The following BACH2 variants were observed in gnomAD, a reference collection of about 807,000 sequenced individuals.
The protein encoded by BACH2 is transcription regulator protein BACH2.
In BACH2, 5 loss-of-function variants were observed where a neutral mutation model predicts 61.8. That is an observed-to-expected ratio of 0.08 (90% CI 0.04 to 0.17). BACH2 has a LOEUF of 0.17. Ranked by LOEUF, BACH2 falls within the 10% of genes least tolerant of loss-of-function variation. The probability of loss-of-function intolerance (pLI) is 1.00; values close to 1 mark genes in which losing one functional copy is unlikely to be tolerated. For synonymous variants in BACH2, 446 were observed against 440.1 expected, an observed-to-expected ratio of 1.01 and a Z score of -0.17; for missense variants, 824 against 1,091.1, an observed-to-expected ratio of 0.76 and a Z score of 3.45.
chr6:90,084,084 T>C (rs1309416255), intron 5 of BACH2, among the ~76,000 whole-genome samples: 1 of 134,774 alleles, frequency 7.4e-6, no homozygotes, highest in Non-Finnish European at 1.6e-5. Context: ...GTGTGTGCGG[T>C]AGGGTGGGGT....
intron 4 of BACH2, among the ~76,000 whole-genome samples, chr6:90,154,018 C>T (rs368472335): frequency 6.6e-6 from 1 of 152,120 alleles, no homozygotes; most frequent in Non-Finnish European, 1.5e-5. Flanking sequence ...AACATCCACA[C>T]CCTAAAAAGA....
At chr6:90,147,156 AG>A (rs1232714149) in intron 4 of BACH2, among the ~76,000 whole-genome samples, 6 of 152,256 alleles carry the variant, frequency 3.9e-5, no homozygotes, top group African/African-American at 1.4e-4. Context: ...CACTGCAAGA[AG>A]GGGCAGTAAT....
chr6:89,969,486 C>T (rs771915708), intron 6 of BACH2, among the ~76,000 whole-genome samples: 11 of 152,114 alleles, frequency 7.2e-5, no homozygotes, highest in Non-Finnish European at 1.3e-4. Context: ...AGACAAGGGA[C>T]GGATGTGGGC....
At chr6:90,196,511 A>G (rs111921139) in intron 4 of BACH2, among the ~76,000 whole-genome samples, 1 of 152,324 alleles carries the variant, frequency 6.6e-6, no homozygotes, top group African/African-American at 2.4e-5. Context: ...ACACGTGTCT[A>G]TTTTTAGCTA....
intron 6 of BACH2, among the ~76,000 whole-genome samples, chr6:89,957,352 CCTTA>C (rs771072463): frequency 8.5e-5 from 13 of 152,208 alleles, no homozygotes; most frequent in African/African-American, 1.9e-4. Flanking sequence ...AATTAATTCA[CCTTA>C]CTATTTCAAC....
intron 3 of BACH2, among the ~76,000 whole-genome samples, chr6:90,211,233 G>A (rs574528773): frequency 5.4e-5 from 8 of 149,150 alleles, no homozygotes; most frequent in East Asian, 2.3e-4. Context: ...AACAAAGGGC[G>A]GCAAGCAAAC....
chr6:90,039,035 C>T (rs917604649), intron 5 of BACH2, among the ~76,000 whole-genome samples: 2 of 148,354 alleles, frequency 1.3e-5, no homozygotes, highest in African/African-American at 2.5e-5. Context: ...AGTGAAACTC[C>T]GTCTCCAAAA....
intron 5 of BACH2, among the ~76,000 whole-genome samples, chr6:90,045,209 A>T (rs1342302528): frequency 6.6e-6 from 1 of 152,322 alleles, no homozygotes; most frequent in Non-Finnish European, 1.5e-5. Flanking sequence ...TTTCCCTTAC[A>T]TGCGCAGAAA....
intron 2 of BACH2, among the ~76,000 whole-genome samples, chr6:90,267,177 G>A (rs1013180517): frequency 1.3e-5 from 2 of 151,802 alleles, no homozygotes; most frequent in East Asian, 1.9e-4. Flanking sequence ...CTACTAAAAC[G>A]AACAAATAAT....
intron 5 of BACH2, among the ~76,000 whole-genome samples, chr6:90,056,200 T>C (rs371120809): frequency 3.9e-5 from 6 of 152,120 alleles, no homozygotes; most frequent in South Asian, 2.1e-4. Flanking sequence ...AGTCAAGACC[T>C]ATCAGTGTGC....
intron 3 of BACH2, among the ~76,000 whole-genome samples, chr6:90,223,019 A>G (rs1769787779): frequency 6.6e-6 from 1 of 152,228 alleles, no homozygotes; most frequent in Non-Finnish European, 1.5e-5. Context: ...CAATAGGGGA[A>G]AGACACAGCA....
Position 90,052,462 on chromosome 6 carries a change from C to G in BACH2, c.-13+36499G>C, listed in dbSNP as rs201244326. Reference sequence around the variant, plus strand: ...TGAGACAGGGTCTTTCTCTGTTACCCAGGCTGGAGTTCAGTGGCATGATCT... The same window carrying G: ...TGAGACAGGGTCTTTCTCTGTTACCGAGGCTGGAGTTCAGTGGCATGATCT... On this transcript the variant is annotated intron_variant, in intron 5 of 8. Transcript: ENST00000257749. Among the ~76,000 whole-genome samples the G allele has an allele frequency of 5.3e-5, 8 of 152,182 alleles. No homozygotes were observed. In the East Asian group the frequency reaches 1.5e-3, roughly 29 times the overall value.
chr6:90,189,413 C>T (rs1434332051), intron 4 of BACH2, among the ~76,000 whole-genome samples: 3 of 151,460 alleles, frequency 2.0e-5, no homozygotes, highest in Non-Finnish European at 4.4e-5. Flanking sequence ...TCGAGACCAT[C>T]CTGGCTAACA....
chr6:89,952,537 C>T (rs929313756), intron 6 of BACH2, among the ~76,000 whole-genome samples: 3 of 152,156 alleles, frequency 2.0e-5, no homozygotes, highest in African/African-American at 7.2e-5. Flanking sequence ...ATGAAATCAA[C>T]CCCTGGCCCA....
At chr6:90,090,260 G>GTT (rs574578479) in intron 4 of BACH2, among the ~76,000 whole-genome samples, 1 of 151,878 alleles carries the variant, frequency 6.6e-6, no homozygotes, top group Non-Finnish European at 1.5e-5. Flanking sequence ...GTTGCAGATT[G>GTT]TTTTTTTCTT....
At chr6:90,198,750 AG>A (rs1219936707) in intron 4 of BACH2, among the ~76,000 whole-genome samples, 3 of 152,206 alleles carry the variant, frequency 2.0e-5, no homozygotes, top group Non-Finnish European at 2.9e-5. Context: ...CTGTACAAAA[AG>A]GTTCAGATTT....
chr6:90,257,510 G>A (rs1771016669), intron 2 of BACH2, among the ~76,000 whole-genome samples: 1 of 152,068 alleles, frequency 6.6e-6, no homozygotes, highest in Non-Finnish European at 1.5e-5. Context: ...CCATCTTTGT[G>A]TCTTCTTTAG....
chr6:90,213,431 G>T (rs1769423774), intron 3 of BACH2, among the ~76,000 whole-genome samples: 1 of 152,182 alleles, frequency 6.6e-6, no homozygotes, highest in African/African-American at 2.4e-5. Flanking sequence ...CTTTGTTCCT[G>T]TAAACCTCCG....
At chr6:90,248,873 A>G (rs886078014) in intron 3 of BACH2, among the ~76,000 whole-genome samples, 4 of 152,220 alleles carry the variant, frequency 2.6e-5, no homozygotes, top group African/African-American at 9.6e-5. Context: ...ACCCTGTCCC[A>G]AGGGCCCAGA....
Sources: allele counts gnomAD v4.1 joint callset (sites outside exome capture counted in the v4.1 genomes callset), GRCh38; gene constraint gnomAD v4.1.1; transcripts MANE v1.5; gene names NCBI Gene and HGNC (gene_info 2026-07-23, HGNC 2026-07-21).